DNAH11: variants seen among roughly 807,000 people sequenced by gnomAD.
DNAH11 encodes axonemal beta dynein heavy chain 11.
In DNAH11, 442 loss-of-function variants were observed where a neutral mutation model predicts 526.0. That is an observed-to-expected ratio of 0.84 (90% CI 0.78 to 0.91). DNAH11 has a LOEUF of 0.91. DNAH11 is among the 40% of genes least tolerant of loss of function. The pLI, the probability that DNAH11 is intolerant of heterozygous loss-of-function variation, is 0.00. For missense variants in DNAH11, 6,989 were observed against 5,448.7 expected (o/e 1.28, Z -8.90); for synonymous variants, 2,461 against 1,935.9 (o/e 1.27, Z -7.12).
At chr7:21,691,746 T>C (rs1409629972) in intron 35 of DNAH11, among the ~76,000 whole-genome samples, 1 of 152,222 alleles carries the variant, frequency 6.6e-6, no homozygotes, top group Admixed American at 6.5e-5. Context: ...TTTAGAAATA[T>C]CATTTTATGT....
chr7:21,877,807 A>G (rs1429444884), intron 74 of DNAH11, among the ~76,000 whole-genome samples: 1 of 145,468 alleles, frequency 6.9e-6, no homozygotes, highest in Non-Finnish European at 1.5e-5. Flanking sequence ...CCCGGGAGGC[A>G]GAGGTTGCAA....
In DNAH11 at chr7:21,748,807, G is replaced by C. The variant is rs577624987; in HGVS notation, c.8673+65G>C. 6.0e-6 allele frequency: 9 copies of C among 1,510,080 alleles called. No individual in the cohort carries two copies. In the African/African-American group the frequency reaches 9.7e-5, roughly 16 times the overall value. The allele number at this position is 1,510,080 out of a possible 1,614,324, so 93.5% of individuals were successfully genotyped here. A position where few individuals can be genotyped will look rare whatever the true frequency, so the allele number is the denominator to read the frequency against. On this transcript the variant is annotated intron_variant, in intron 52 of 81. Coordinates refer to ENST00000409508, the MANE Select transcript of DNAH11 (RefSeq NM_001277115.2). ...TTGGCAGATAAAGCCGAGGCTCCTA[G>C]TGCGCCCGTGTGGGCTGTGACTCCC...
chr7:21,714,303 G>A (rs1056615842), intron 42 of DNAH11, among the ~76,000 whole-genome samples: 4 of 152,248 alleles, frequency 2.6e-5, no homozygotes, highest in Non-Finnish European at 4.4e-5. Context: ...CAGAATTAAT[G>A]GGTAGATGTT....
chr7:21,602,645 T>A (rs2128447627), intron 18 of DNAH11, among the ~76,000 whole-genome samples: 1 of 151,748 alleles, frequency 6.6e-6, no homozygotes, highest in East Asian at 2.0e-4. Context: ...GTGGACACAT[T>A]AACCAAAAAG....
At chr7:21,648,495 G>T (rs1365828149) in intron 28 of DNAH11, among the ~76,000 whole-genome samples, 3 of 152,134 alleles carry the variant, frequency 2.0e-5, no homozygotes, top group African/African-American at 4.8e-5. Context: ...TAGCCTGCTG[G>T]ATAATGAGAT....
At chr7:21,787,308 A>G in intron 59 of DNAH11, 93 bp from the exon 60 acceptor site, 1 of 1,323,578 alleles carries the variant, frequency 7.6e-7, no homozygotes, top group Non-Finnish European at 1.0e-6. Flanking sequence ...TGCTTTTGTA[A>G]TGTGAGTCCT....
chr7:21,744,059 C>G (rs905013330), intron 49 of DNAH11, among the ~76,000 whole-genome samples: 1 of 152,004 alleles, frequency 6.6e-6, no homozygotes, highest in Non-Finnish European at 1.5e-5. Flanking sequence ...AATGATTAGA[C>G]TGATATCAAG....
At chr7:21,759,505 T>C (rs1391167096) in intron 54 of DNAH11, among the ~76,000 whole-genome samples, 1 of 152,220 alleles carries the variant, frequency 6.6e-6, no homozygotes, top group Admixed American at 6.5e-5. Flanking sequence ...CAGTCAAACC[T>C]GGGAAGGTTT....
chr7:21,689,826 A>G (rs1583596611), intron 34 of DNAH11, among the ~76,000 whole-genome samples: 1 of 152,178 alleles, frequency 6.6e-6, no homozygotes, highest in East Asian at 1.9e-4. Context: ...CCTCTCAGCA[A>G]TGCAAGAGAT....
chr7:21,742,696 A>G (rs1785961397), intron 49 of DNAH11, among the ~76,000 whole-genome samples: 2 of 152,158 alleles, frequency 1.3e-5, no homozygotes, highest in South Asian at 4.2e-4. Flanking sequence ...TATGCTATAT[A>G]CTTTTGTATG....
In DNAH11 at chr7:21,589,416, T is replaced by G; in HGVS notation, c.2169+13T>G. The G allele has an allele frequency of 6.3e-7, 1 of 1,585,100 alleles. No individual in the cohort carries two copies. The highest frequency in any genetic ancestry group is 8.6e-7 in the Non-Finnish European group (1 of 1,167,532). On this transcript the variant is annotated intron_variant, in intron 12 of 81. Coordinates refer to ENST00000409508, the MANE Select transcript of DNAH11 (RefSeq NM_001277115.2). ...TTTTGACCCAAAGGTAGGGATTTGA[T>G]TTTTTAAGATGATTTATAAGTGCCC...
intron 65 of DNAH11, among the ~76,000 whole-genome samples, chr7:21,837,801 A>G (rs916971158): frequency 1.3e-5 from 2 of 152,182 alleles, no homozygotes; most frequent in African/African-American, 4.8e-5. Flanking sequence ...ACAATATTAT[A>G]GTGTATATTT....
chr7:21,899,892 A>C, intron 80 of DNAH11, 88 bp from the exon 81 acceptor site: 1 of 1,503,328 alleles, frequency 6.7e-7, no homozygotes, highest in African/African-American at 1.4e-5. Flanking sequence ...ACCCTATGGG[A>C]CTAAAGGATG....
chr7:21,791,946 G>A (rs1788496300), intron 61 of DNAH11, among the ~76,000 whole-genome samples: 1 of 152,180 alleles, frequency 6.6e-6, no homozygotes, highest in Admixed American at 6.5e-5. Context: ...GATTCTGCAG[G>A]CTGTACAGGA....
rs961175422 is a variant in DNAH11 at position 21,801,130 on chromosome 7, G to T, written c.10027-7G>T. 3 of 1,602,130 alleles carry T rather than the reference G, an allele frequency of 1.9e-6. No homozygotes were observed. The highest frequency in any genetic ancestry group is 1.7e-4 in the Middle Eastern group (1 of 6,046). ...ATGACTCAAAAGTTAATTCAACTCT[G>T]ATTCAGGATCTGGATCGAAATCTGA... On this transcript the variant is annotated splice_region_variant and splice_polypyrimidine_tract_variant and intron_variant, in intron 61 of 81. Transcript: ENST00000409508.
chr7:21,616,385 C>A, intron 22 of DNAH11, 93 bp downstream of exon 22: 1 of 966,176 alleles, frequency 1.0e-6, no homozygotes, highest in Non-Finnish European at 1.5e-6. Flanking sequence ...TATTGGGCTG[C>A]ATGTACTTAT....
intron 68 of DNAH11, among the ~76,000 whole-genome samples, chr7:21,857,775 A>G (rs1562587692): frequency 1.3e-5 from 2 of 152,180 alleles, no homozygotes; most frequent in African/African-American, 2.4e-5. Context: ...GGATATCCAC[A>G]TGACATAAAA....
intron 61 of DNAH11, among the ~76,000 whole-genome samples, chr7:21,791,853 G>A (rs1583699876): frequency 6.6e-6 from 1 of 152,130 alleles, no homozygotes; most frequent in East Asian, 1.9e-4. Flanking sequence ...GGGAATGGTT[G>A]GTGTGTTAGT....
intron 61 of DNAH11, among the ~76,000 whole-genome samples, chr7:21,790,047 A>C (rs1364865423): frequency 6.6e-6 from 1 of 151,360 alleles, no homozygotes; most frequent in East Asian, 1.9e-4. Context: ...TTCATTAGCT[A>C]TTTTTCCTGA....
Sources: allele counts gnomAD v4.1 joint callset (sites outside exome capture counted in the v4.1 genomes callset), GRCh38; gene constraint gnomAD v4.1.1; transcripts MANE v1.5; gene names NCBI Gene and HGNC (gene_info 2026-07-23, HGNC 2026-07-21).